Variants in LRP5 observed in about 807,000 individuals in gnomAD.
The protein encoded by LRP5 is LDL receptor related protein 5, also known as low-density lipoprotein receptor-related protein 5.
In LRP5, 62 loss-of-function variants were observed where a neutral mutation model predicts 154.1. The observed-to-expected ratio is 0.40, with a 90% CI of 0.33 to 0.50. The LOEUF (loss-of-function observed/expected upper bound fraction) is 0.50. LRP5 is among the 20% of genes least tolerant of loss of function. The probability of loss-of-function intolerance (pLI) is 0.55; values close to 1 mark genes in which losing one functional copy is unlikely to be tolerated. For missense variants in LRP5, 1,915 were observed against 2,336.7 expected (o/e 0.82, Z 3.72); for synonymous variants, 966 against 1,011.5 (o/e 0.96, Z 0.85).
the LRP5 span, among the ~76,000 whole-genome samples, chr11:68,303,716 A>G: frequency 6.6e-6 from 1 of 152,078 alleles, no homozygotes; most frequent in Non-Finnish European, 1.5e-5. Flanking sequence ...GATGGTCTCG[A>G]TCTCCTGATC....
In LRP5 at chr11:68,420,280, C is replaced by A. The variant is rs35564408; in HGVS notation, c.3028-3209C>A. Among the ~76,000 whole-genome samples the A allele has an allele frequency of 8.9e-3, 1,349 of 152,302 alleles. 6 individuals carry two copies. Among genetic ancestry groups the A allele is most frequent in the Non-Finnish European group, 0.014 (954 of 68,020 alleles). Reference sequence around the variant, plus strand: ...TATCTCTCTCTGCCTTCTCTAGGTACCTCATGTAAGTGGAATTATACCAAT... The same window carrying A: ...TATCTCTCTCTGCCTTCTCTAGGTAACTCATGTAAGTGGAATTATACCAAT... On this transcript the variant is annotated intron_variant, in intron 13 of 22. Coordinates refer to ENST00000294304, the MANE Select transcript of LRP5 (RefSeq NM_002335.4).
At chr11:68,441,918 A>G (rs1165910277) in intron 21 of LRP5, among the ~76,000 whole-genome samples, 1 of 152,242 alleles carries the variant, frequency 6.6e-6, no homozygotes, top group Admixed American at 6.5e-5. Flanking sequence ...GTTATTTTGC[A>G]TCCTTTAAAT....
chr11:68,439,929 G>A lies in LRP5; in HGVS notation c.4488+13G>A, dbSNP rs1383694855. On this transcript the variant is annotated intron_variant, in intron 21 of 22. Transcript: ENST00000294304. ...GCTGTACCCGCCGGTGAGGGGCGGGGCCGGGGAGGGGCGGGGCGGGATGGG... is the reference window on the plus strand; with the variant it reads ...GCTGTACCCGCCGGTGAGGGGCGGGACCGGGGAGGGGCGGGGCGGGATGGG... 1.9e-5 allele frequency: 29 copies of A among 1,522,286 alleles called. No individual in the cohort carries two copies. Among genetic ancestry groups the A allele is most frequent in the Non-Finnish European group, 2.6e-5 (29 of 1,131,288 alleles). The allele number at this position is 1,522,286 out of a possible 1,614,324, so 94.3% of individuals were successfully genotyped here.
intron 18 of LRP5, 128 bp from the exon 19 acceptor site, chr11:68,436,761 C>T (rs2098675216): frequency 7.2e-6 from 5 of 693,340 alleles, no homozygotes; most frequent in African/African-American, 1.7e-5. Flanking sequence ...AGACCACTCC[C>T]CGCTGGTCCT....
At chr11:68,446,012 CAGA>C (rs2098681230) in intron 21 of LRP5, among the ~76,000 whole-genome samples, 1 of 152,142 alleles carries the variant, frequency 6.6e-6, no homozygotes, top group Non-Finnish European at 1.5e-5. Flanking sequence ...GAGGAAAGGT[CAGA>C]AGGAGAGTTC....
chr11:68,384,788 C>A (rs1040006976), intron 5 of LRP5, among the ~76,000 whole-genome samples: 1 of 152,178 alleles, frequency 6.6e-6, no homozygotes, highest in South Asian at 2.1e-4. Context: ...CCCCCACCCC[C>A]CAAACTGAAG....
chr11:68,373,352 C>T (rs2098635434), intron 5 of LRP5, among the ~76,000 whole-genome samples: 1 of 152,040 alleles, frequency 6.6e-6, no homozygotes, highest in Non-Finnish European at 1.5e-5. Context: ...CCCAGGGGCA[C>T]ACAGGCGGCC....
At chr11:68,343,453 T>C (rs2098610317) in intron 1 of LRP5, among the ~76,000 whole-genome samples, 1 of 152,106 alleles carries the variant, frequency 6.6e-6, no homozygotes, top group African/African-American at 2.4e-5. Flanking sequence ...CCAAGGAATT[T>C]CAGCCTGGGT....
At chr11:68,379,916 G>GAGGTC (rs975095004) in intron 5 of LRP5, among the ~76,000 whole-genome samples, 1 of 152,216 alleles carries the variant, frequency 6.6e-6, no homozygotes, top group Non-Finnish European at 1.5e-5. Context: ...CAGATCACCT[G>GAGGTC]AGGTCAGGAG....
Position 68,403,678 on chromosome 11 carries a change from G to C in LRP5, c.1780G>C (p.Val594Leu). 1 of 1,614,038 alleles carries C rather than the reference G, an allele frequency of 6.2e-7. No homozygotes were observed. Among genetic ancestry groups the C allele is most frequent in the Non-Finnish European group, 8.5e-7 (1 of 1,180,042 alleles). ...QLPDLMGLKA[V>L]NVAKVVGTNP... ...GCCCGACCTGATGGGGCTCAAAGCT[G>C]TGAATGTGGCCAAGGTCGTCGGTGA... The change falls in exon 8 of 23, where the codon GTG becomes CTG. Residue 594 changes from valine to leucine, a missense_variant. Physicochemically the swap from Val to Leu is conservative, Grantham distance 32 (BLOSUM62 1). This residue lies in a region of LRP5 where 773 missense variants were observed against 1,100.9 expected (regional missense o/e 0.70). Coordinates refer to ENST00000294304, the MANE Select transcript of LRP5 (RefSeq NM_002335.4).
Position 68,413,821 on chromosome 11 carries a change from G to C in LRP5, c.2636G>C (p.Arg879Pro). 1.9e-6 allele frequency: 3 copies of C among 1,613,628 alleles called. No individual in the cohort carries two copies. The highest frequency in any genetic ancestry group is 2.5e-6 in the Non-Finnish European group (3 of 1,179,986). Residue 879 changes from arginine to proline, a missense_variant, in exon 12 of 23, where the codon CGC becomes CCC. By Grantham distance (103) the Arg-to-Pro change is moderately radical (BLOSUM62 -2). Around this residue, in one of 3 missense-constraint regions of LRP5, gnomAD observed 1,094 missense variants for 1,210.1 expected, o/e 0.90. Coordinates refer to ENST00000294304, the MANE Select transcript of LRP5 (RefSeq NM_002335.4). This position sits in a 1 kb window ranked among gnomAD's most constrained non-coding sequence, Gnocchi z 5.1. ...ERADKTSGRNRTLIQGHLDFV... is the reference protein window; with the variant it reads ...ERADKTSGRNPTLIQGHLDFV... ...GCCGACAAGACTAGCGGCCGGAACC[G>C]CACCCTCATCCAGGGCCACCTGGAC... is the stretch of plus-strand genomic sequence containing the variant.
At chr11:68,341,143 T>C (rs928785911) in intron 1 of LRP5, among the ~76,000 whole-genome samples, 4 of 151,524 alleles carry the variant, frequency 2.6e-5, no homozygotes, top group Non-Finnish European at 5.9e-5. Flanking sequence ...CTGGTGTTTC[T>C]TGGGACAGAC....
intron 3 of LRP5, among the ~76,000 whole-genome samples, chr11:68,361,811 G>T (rs2098628279): frequency 6.6e-6 from 1 of 152,178 alleles, no homozygotes; most frequent in African/African-American, 2.4e-5. Flanking sequence ...GACAGAGCAA[G>T]ACCCTGTCTC....
At chr11:68,341,911 ATTCAG>A (rs1430680117) in intron 1 of LRP5, among the ~76,000 whole-genome samples, 1 of 152,068 alleles carries the variant, frequency 6.6e-6, no homozygotes, top group Non-Finnish European at 1.5e-5. Flanking sequence ...ATACGGAGCC[ATTCAG>A]GCCGTGTCCT....
intron 1 of LRP5, among the ~76,000 whole-genome samples, chr11:68,323,538 T>C (rs2098597959): frequency 1.3e-5 from 2 of 152,286 alleles, no homozygotes; most frequent in Non-Finnish European, 2.9e-5. Flanking sequence ...CTCAGCCTCC[T>C]GAGTAGCTGG....
chr11:68,322,909 G>A (rs1171603340), intron 1 of LRP5, among the ~76,000 whole-genome samples: 1 of 152,238 alleles, frequency 6.6e-6, no homozygotes, highest in Non-Finnish European at 1.5e-5. Context: ...ACTTGACTGT[G>A]AAGTCCCGGG....
chr11:68,417,299 G>T (rs1195503653), intron 13 of LRP5, among the ~76,000 whole-genome samples: 1 of 152,082 alleles, frequency 6.6e-6, no homozygotes, highest in African/African-American at 2.4e-5. Context: ...ACGGAGGTGT[G>T]TGTGTGGGTG....
In LRP5 at chr11:68,342,070, C is replaced by CTT. The variant is rs111847163; in HGVS notation, c.92-5762_92-5761dup. On this transcript the variant is annotated intron_variant, in intron 1 of 22. Transcript: ENST00000294304. ...CTTTTCTCCTGAACTGTCCTCTTTG[C>CTT]TTTTTTTTTTTTTTTTAAGCTTTAA... is the stretch of plus-strand genomic sequence containing the variant. Among the ~76,000 whole-genome samples the CTT allele has an allele frequency of 4.8e-3, 647 of 133,854 alleles. 6 individuals are homozygous for CTT. Among genetic ancestry groups the CTT allele is most frequent in the African/African-American group, 0.016 (595 of 36,938 alleles). 87.8% of individuals were successfully genotyped at this position (133,854 alleles called of 152,430 possible).
chr11:68,338,867 GTTTTT>G (rs11382677), intron 1 of LRP5, among the ~76,000 whole-genome samples: 1 of 91,940 alleles, frequency 1.1e-5, no homozygotes, highest in African/African-American at 4.6e-5. Context: ...CTTTTGTTTA[GTTTTT>G]TTTTTTTTTT....
Sources: allele counts gnomAD v4.1 joint callset (sites outside exome capture counted in the v4.1 genomes callset), GRCh38; gene constraint gnomAD v4.1.1; regional missense constraint gnomAD v4.1.1; non-coding constraint Gnocchi (gnomAD v3.1); transcripts MANE v1.5; gene names NCBI Gene and HGNC (gene_info 2026-07-23, HGNC 2026-07-21).